Variants in SBF2 observed in about 807,000 individuals in gnomAD.
SBF2 encodes myotubularin-related protein 13.
In SBF2, 112 loss-of-function variants were observed where a neutral mutation model predicts 225.2. That is an observed-to-expected ratio of 0.50 (90% CI 0.43 to 0.58). The LOEUF (loss-of-function observed/expected upper bound fraction) is 0.58. Ranked by LOEUF, SBF2 falls within the 20% of genes least tolerant of loss-of-function variation. The probability of loss-of-function intolerance (pLI) is 0.00; values close to 1 mark genes in which losing one functional copy is unlikely to be tolerated. For synonymous variants in SBF2, 763 were observed against 773.3 expected, an observed-to-expected ratio of 0.99 and a Z score of 0.22; for missense variants, 1,996 against 2,206.2, an observed-to-expected ratio of 0.90 and a Z score of 1.91.
chr11:9,957,366 T>C (rs1866241478), intron 16 of SBF2: 1 of 152,264 alleles, frequency 6.6e-6, no homozygotes. Context: ...TCTGTCTAGA[T>C]TATTTGCTTT....
intron 1 of SBF2, among the ~76,000 whole-genome samples, chr11:10,255,135 T>C (rs1291034858): frequency 6.6e-6 from 1 of 151,970 alleles, no homozygotes; most frequent in Non-Finnish European, 1.5e-5. Context: ...AAACTTCAGT[T>C]AGCCAAAAGA....
chr11:10,244,342 C>T (rs1370455975), intron 1 of SBF2, among the ~76,000 whole-genome samples: 1 of 152,106 alleles, frequency 6.6e-6, no homozygotes. Flanking sequence ...ATATGGATAT[C>T]CAGTTTTCAC....
intron 18 of SBF2, among the ~76,000 whole-genome samples, chr11:9,857,383 G>A (rs977216145): frequency 6.6e-6 from 1 of 152,130 alleles, no homozygotes; most frequent in Non-Finnish European, 1.5e-5. Context: ...GAATGCTTTC[G>A]AGATGTGTCA....
intron 16 of SBF2, among the ~76,000 whole-genome samples, chr11:9,899,181 T>C (rs1861516111): frequency 6.6e-6 from 1 of 151,480 alleles, no homozygotes; most frequent in African/African-American, 2.4e-5. Context: ...ATCTTCAAGG[T>C]TGGAAAGGAG....
Position 9,839,503 on chromosome 11 carries a change from G to A in SBF2, c.3450C>T (p.Cys1150=), listed in dbSNP as rs377608130. Residue 1150 remains cysteine (C), a synonymous_variant, in exon 26 of 40, where the codon TGC becomes TGT. Coordinates refer to ENST00000256190, the MANE Select transcript of SBF2 (RefSeq NM_030962.4). ...GAGCCCACTGACACACTTACCTCCG[G>A]CAGAGTGAATACATCCTGTTGGAGG... ...ITASNRMYSL[C]RSYPGLLVVP... 5.0e-6 allele frequency: 8 copies of A among 1,614,036 alleles called. No individual in the cohort carries two copies. Among genetic ancestry groups the A allele is most frequent in the Non-Finnish European group, 6.8e-6 (8 of 1,179,910 alleles).
intron 2 of SBF2, among the ~76,000 whole-genome samples, chr11:10,185,233 T>C (rs1025664619): frequency 8.5e-5 from 13 of 152,200 alleles, no homozygotes; most frequent in Admixed American, 7.2e-4. Flanking sequence ...TAAACATGTG[T>C]ATGAATATCT....
chr11:9,798,139 C>T (rs1853247148), intron 32 of SBF2, among the ~76,000 whole-genome samples: 3 of 152,102 alleles, frequency 2.0e-5, no homozygotes, highest in African/African-American at 7.2e-5. Context: ...TCAACCATGT[C>T]CCTTAATACA....
At position 9,780,440 on chromosome 11, in the gene SBF2, T is replaced by C; in HGVS notation, c.5528A>G (p.Gln1843Arg). The C allele has an allele frequency of 6.2e-7, 1 of 1,614,126 alleles. No homozygotes were observed. Among genetic ancestry groups the C allele is most frequent in the Non-Finnish European group, 8.5e-7 (1 of 1,179,970 alleles). Residue 1843 changes from glutamine (Q) to arginine (R), a missense_variant, in exon 40 of 40, where the codon CAG (glutamine) becomes CGG (arginine). Transcript: ENST00000256190. ...QSAQQWMDKIQSCISDA is the reference protein window; with the variant it reads ...QSAQQWMDKIRSCISDA ...GCATCAGGCATCAGAGATACAACTC[T>C]GGATCTTGTCCATCCATTGCTGGGC... is the stretch of plus-strand genomic sequence containing the variant.
chr11:10,304,028 G>A (rs1213798237), intron 1 of SBF2, among the ~76,000 whole-genome samples: 1 of 152,194 alleles, frequency 6.6e-6, no homozygotes, highest in African/African-American at 2.4e-5. Flanking sequence ...GTCGGGCCGA[G>A]TAGGGACTCT....
At position 9,789,147 on chromosome 11, in the gene SBF2, T is replaced by A; in HGVS notation, c.4894A>T (p.Ser1632Cys). ...GTGAGAGCATCAGGCTGAGTACAGC[T>A]GACATCATCATAGCATGGCCACACT... ...RTVWPCYDDV[S>C]CTQPDALTSL... The change falls in exon 35 of 40, where the codon AGC becomes TGC. Residue 1632 changes from serine to cysteine, a missense_variant. Coordinates refer to ENST00000256190, the MANE Select transcript of SBF2 (RefSeq NM_030962.4). The A allele has an allele frequency of 4.3e-6, 7 of 1,614,194 alleles. No homozygotes were observed. Among genetic ancestry groups the A allele is most frequent in the Non-Finnish European group, 5.9e-6 (7 of 1,180,036 alleles).
At chr11:10,014,914 G>C (rs1380116845) in intron 6 of SBF2, among the ~76,000 whole-genome samples, 2 of 152,038 alleles carry the variant, frequency 1.3e-5, no homozygotes, top group African/African-American at 2.4e-5. Context: ...TAGATCGCTT[G>C]AGCCCAGGAG....
chr11:10,108,528 T>C (rs1952667771), intron 2 of SBF2, among the ~76,000 whole-genome samples: 2 of 139,604 alleles, frequency 1.4e-5, no homozygotes, highest in South Asian at 4.9e-4. Context: ...TTTTTTTTTT[T>C]TTTTTTTTTT....
chr11:10,077,006 A>G (rs1434059054), intron 2 of SBF2, among the ~76,000 whole-genome samples: 1 of 152,080 alleles, frequency 6.6e-6, no homozygotes, highest in Non-Finnish European at 1.5e-5. Flanking sequence ...ACCTCTGGTT[A>G]ACAAAGGTCA....
At chr11:10,057,491 G>A (rs1352372084) in intron 2 of SBF2, among the ~76,000 whole-genome samples, 1 of 152,138 alleles carries the variant, frequency 6.6e-6, no homozygotes, top group Non-Finnish European at 1.5e-5. Flanking sequence ...CATCAGACAG[G>A]GAACCCCTGG....
chr11:10,234,684 G>A (rs1360126993), intron 1 of SBF2, among the ~76,000 whole-genome samples: 2 of 151,982 alleles, frequency 1.3e-5, no homozygotes, highest in African/African-American at 4.8e-5. Context: ...AAGATTATTC[G>A]GATTTAAATT....
intron 16 of SBF2, among the ~76,000 whole-genome samples, chr11:9,910,914 C>G: frequency 7.8e-6 from 1 of 128,196 alleles, no homozygotes; most frequent in Non-Finnish European, 1.6e-5. Context: ...AAAAAATTAG[C>G]TGGGCATGGT....
chr11:9,877,171 C>T (rs926061014), intron 17 of SBF2, among the ~76,000 whole-genome samples: 4 of 152,118 alleles, frequency 2.6e-5, no homozygotes, highest in Non-Finnish European at 5.9e-5. Context: ...GATAAAATAG[C>T]AGCCATAATA....
intron 6 of SBF2, among the ~76,000 whole-genome samples, chr11:10,005,850 C>A (rs566645322): frequency 6.6e-6 from 1 of 152,290 alleles, no homozygotes; most frequent in African/African-American, 2.4e-5. Flanking sequence ...AACCAACCCC[C>A]AGAACAATTC....
intron 16 of SBF2, among the ~76,000 whole-genome samples, chr11:9,897,759 C>T (rs1861383431): frequency 6.6e-6 from 1 of 152,196 alleles, no homozygotes; most frequent in South Asian, 2.1e-4. Flanking sequence ...GGACCTTAGA[C>T]ATCAATTATT....
Sources: allele counts gnomAD v4.1 joint callset (sites outside exome capture counted in the v4.1 genomes callset), GRCh38; gene constraint gnomAD v4.1.1; transcripts MANE v1.5; gene names NCBI Gene and HGNC (gene_info 2026-07-23, HGNC 2026-07-21).